Variants in BEAN1 observed in about 807,000 individuals in gnomAD.
The protein encoded by BEAN1 is protein BEAN1.
A neutral mutation model predicts 17.7 loss-of-function variants in BEAN1; 17 were observed. The ratio of observed to expected loss-of-function variants is 0.96; its 90% confidence interval spans 0.66 to 1.44. The LOEUF (loss-of-function observed/expected upper bound fraction) is 1.44, where lower values mean the gene tolerates loss of function less well. BEAN1 is among the 40% of genes most tolerant of loss of function. The pLI is 0.00. For missense variants in BEAN1, 359 were observed against 374.1 expected (o/e 0.96, Z 0.33); for synonymous variants, 142 against 151.8 (o/e 0.94, Z 0.47).
At chr16:66,454,273 C>A (rs529509498) in intron 2 of BEAN1, among the ~76,000 whole-genome samples, 1 of 152,282 alleles carries the variant, frequency 6.6e-6, no homozygotes, top group Admixed American at 6.5e-5. Flanking sequence ...TCATTCAAGT[C>A]TTCTGTATCC....
At chr16:66,491,029 C>A (rs370272440) in intron 4 of BEAN1, among the ~76,000 whole-genome samples, 14 of 152,338 alleles carry the variant, frequency 9.2e-5, no homozygotes, top group African/African-American at 2.9e-4. Context: ...ATCCAGCCCC[C>A]CCGAAGCCAC....
chr16:66,490,363 C>G lies in BEAN1; in HGVS notation c.148-2599C>G, dbSNP rs935383488. On this transcript the variant is annotated intron_variant, in intron 4 of 4. Transcript: ENST00000561796. The stretch of plus-strand genomic sequence containing the variant: ...AGTGGGCCAAGATCACGTCACTGCA[C>G]TCCAGCCTGGGCAACAAAACAAGAC... Among the ~76,000 whole-genome samples the G allele has an allele frequency of 4.0e-5, 5 of 124,388 alleles. No homozygotes were observed. In the South Asian group the frequency reaches 1.3e-3, roughly 32 times the overall value. The allele number at this position is 124,388 out of a possible 152,430, so 81.6% of individuals were successfully genotyped here. A position where few individuals can be genotyped will look rare whatever the true frequency, so the allele number is the denominator to read the frequency against.
At chr16:66,430,973 G>C (rs1185773952) in intron 1 of BEAN1, among the ~76,000 whole-genome samples, 2 of 152,166 alleles carry the variant, frequency 1.3e-5, no homozygotes, top group Non-Finnish European at 2.9e-5. Flanking sequence ...GTTAATAGCA[G>C]AAACCATTCC....
Position 66,482,764 on chromosome 16 carries a change from C to A in BEAN1, c.*1839C>A. On this transcript the variant is annotated 3_prime_UTR_variant, in exon 5 of 5. Coordinates refer to ENST00000536005, the MANE Select transcript of BEAN1 (RefSeq NM_001178020.3). ...CCTGGACTAGGCAATGAATAAGCAACAATGTATCTTTTCTGTGTTCAAAAT... is the reference window on the plus strand; with the variant it reads ...CCTGGACTAGGCAATGAATAAGCAAAAATGTATCTTTTCTGTGTTCAAAAT... 1 of 425,588 alleles carries A rather than the reference C, an allele frequency of 2.3e-6. No individual in the cohort carries two copies. Among genetic ancestry groups the A allele is most frequent in the Non-Finnish European group, 4.6e-6 (1 of 215,782 alleles). 26.4% of individuals were successfully genotyped at this position (425,588 alleles called of 1,614,324 possible). A position where few individuals can be genotyped will look rare whatever the true frequency, so the allele number is the denominator to read the frequency against.
At chr16:66,457,193 TG>T (rs975475111) in intron 2 of BEAN1, among the ~76,000 whole-genome samples, 2 of 152,112 alleles carry the variant, frequency 1.3e-5, no homozygotes, top group African/African-American at 4.8e-5. Flanking sequence ...TGGTGAGTAT[TG>T]GTGAGGGGAT....
intron 1 of BEAN1, among the ~76,000 whole-genome samples, chr16:66,433,342 C>G (rs1470526957): frequency 6.6e-6 from 1 of 152,196 alleles, no homozygotes; most frequent in Admixed American, 6.5e-5. Context: ...TAACTCCTAA[C>G]TCCAAGTAAT....
At chr16:66,467,175 G>T (rs911075238) in intron 2 of BEAN1, among the ~76,000 whole-genome samples, 1 of 152,132 alleles carries the variant, frequency 6.6e-6, no homozygotes, top group East Asian at 1.9e-4. Flanking sequence ...ATGTTCTTAC[G>T]CTAAAGACAG....
At chr16:66,431,649 T>C (rs1007569888) in intron 1 of BEAN1, among the ~76,000 whole-genome samples, 1 of 151,996 alleles carries the variant, frequency 6.6e-6, no homozygotes, top group Non-Finnish European at 1.5e-5. Context: ...ATATGGTATA[T>C]GCACAATTCT....
chr16:66,468,869 T>C (rs1159389176), intron 2 of BEAN1, among the ~76,000 whole-genome samples: 1 of 152,112 alleles, frequency 6.6e-6, no homozygotes, highest in African/African-American at 2.4e-5. Flanking sequence ...CAGGAGCTTC[T>C]TTCCGTAGGA....
At chr16:66,461,177 G>A (rs1379714588) in intron 2 of BEAN1, among the ~76,000 whole-genome samples, 1 of 151,170 alleles carries the variant, frequency 6.6e-6, no homozygotes, top group African/African-American at 2.4e-5. Flanking sequence ...GCTGGTACAG[G>A]GGGACAGGGA....
At chr16:66,454,777 A>AT (rs1202017353) in intron 2 of BEAN1, among the ~76,000 whole-genome samples, 1 of 16,274 alleles carries the variant, frequency 6.1e-5, no homozygotes, top group East Asian at 1.2e-3. Flanking sequence ...TTATTTTGTT[A>AT]TTTTTATTTT....
intron 3 of BEAN1, among the ~76,000 whole-genome samples, chr16:66,474,605 AGAGGGAGGGAGGAAGG>A (rs1206417172): frequency 1.4e-4 from 1 of 6,964 alleles, no homozygotes; most frequent in East Asian, 6.5e-3. Flanking sequence ...AGGGAGGGAG[AGAGGGAGGGAGGAAGG>A]GAGGGAGGGA....
chr16:66,452,236 T>C lies in BEAN1; in HGVS notation c.25+14535T>C, dbSNP rs79414057. Among the ~76,000 whole-genome samples the C allele has an allele frequency of 5.3e-3, 813 of 152,362 alleles. 3 individuals carry two copies. Among genetic ancestry groups the C allele is most frequent in the Non-Finnish European group, 8.8e-3 (602 of 68,028 alleles). ...CGTCCTGCCTACTGAAGTAACATAC[T>C]ATGCTAATAGATTTCCTGATCTTAA... On this transcript the variant is annotated intron_variant, in intron 2 of 4. Coordinates refer to ENST00000536005, the MANE Select transcript of BEAN1 (RefSeq NM_001178020.3).
In BEAN1 at chr16:66,469,788, G is replaced by A. The variant is rs1054189666; in HGVS notation, c.212G>A (p.Arg71His). Residue 71 changes from arginine (R) to histidine (H), a missense_variant, in exon 3 of 5, where the codon CGC becomes CAC. Coordinates refer to ENST00000536005, the MANE Select transcript of BEAN1 (RefSeq NM_001178020.3). ...RDRQARLQRH[R>H]HRHHRHHHHH... is the part of the protein sequence containing the mutation. ...AGGCAGGCCCGGCTTCAGCGGCACC[G>A]CCACCGCCACCACCGCCACCACCAC... is the stretch of plus-strand genomic sequence containing the variant. 34 of 1,535,520 alleles carry A rather than the reference G, an allele frequency of 2.2e-5. No homozygotes were observed. Among genetic ancestry groups the A allele is most frequent in the African/African-American group, 2.7e-5 (2 of 72,912 alleles).
intron 2 of BEAN1, among the ~76,000 whole-genome samples, chr16:66,444,630 T>A (rs1271426063): frequency 4.6e-5 from 7 of 152,220 alleles, no homozygotes; most frequent in African/African-American, 1.7e-4. Context: ...CAGGAGAGGG[T>A]AACTGGAGCT....
chr16:66,488,514 C>T (rs1439035230), intron 4 of BEAN1, among the ~76,000 whole-genome samples: 1 of 117,190 alleles, frequency 8.5e-6, no homozygotes, highest in Non-Finnish European at 1.7e-5. Flanking sequence ...GACCTTATCA[C>T]TACCAAAAAA....
At chr16:66,444,869 A>G (rs1962387066) in intron 2 of BEAN1, among the ~76,000 whole-genome samples, 2 of 152,204 alleles carry the variant, frequency 1.3e-5, no homozygotes, top group Non-Finnish European at 2.9e-5. Flanking sequence ...CAAGCTGGCC[A>G]TGGGTTCCAC....
intron 3 of BEAN1, among the ~76,000 whole-genome samples, chr16:66,470,417 G>A (rs1167035425): frequency 6.6e-6 from 1 of 152,006 alleles, no homozygotes; most frequent in Non-Finnish European, 1.5e-5. Flanking sequence ...ATGGATGAAT[G>A]AGAAAATGGA....
At chr16:66,493,008 G>A (rs1388876155) in exon 5 of BEAN1, 1 of 702,842 alleles carries the variant, frequency 1.4e-6, no homozygotes, top group Non-Finnish European at 2.6e-6. Context: ...ATGCTTTCCA[G>A]ACACAAACTG....
Sources: allele counts gnomAD v4.1 joint callset (sites outside exome capture counted in the v4.1 genomes callset), GRCh38; gene constraint gnomAD v4.1.1; transcripts MANE v1.5; gene names NCBI Gene and HGNC (gene_info 2026-07-23, HGNC 2026-07-21).